NUCB2: variants seen among roughly 807,000 people sequenced by gnomAD.
The protein encoded by NUCB2 is nucleobindin-2.
NUCB2 carries 48 observed loss-of-function variants against 57.9 expected under a neutral mutation model. The ratio of observed to expected loss-of-function variants is 0.83; its 90% CI spans 0.66 to 1.05. The LOEUF (loss-of-function observed/expected upper bound fraction) is 1.05, where lower values mean the gene tolerates loss of function less well. Ranked by LOEUF, NUCB2 falls within the 50% of genes least tolerant of loss-of-function variation. NUCB2 has a pLI of 0.00. For missense variants in NUCB2, 442 were observed against 476.2 expected (o/e 0.93, Z 0.67); for synonymous variants, 139 against 152.1 (o/e 0.91, Z 0.64).
intron 5 of NUCB2, among the ~76,000 whole-genome samples, chr11:17,307,214 G>C (rs556526407): frequency 1.4e-5 from 2 of 146,110 alleles, no homozygotes. Context: ...CATTCACGTG[G>C]TTCAAATGTA....
intron 2 of NUCB2, among the ~76,000 whole-genome samples, chr11:17,284,035 A>AT (rs1292450332): frequency 1.3e-5 from 2 of 151,188 alleles, no homozygotes; most frequent in East Asian, 1.9e-4. Context: ...CCAGACTTTT[A>AT]TTTTTTTTGT....
At position 17,296,226 on chromosome 11, in the gene NUCB2, A is replaced by G. The variant is rs1333150338; in HGVS notation, c.252+15A>G. On this transcript the variant is annotated intron_variant, in intron 4 of 13. Coordinates refer to ENST00000529010, the MANE Select transcript of NUCB2 (RefSeq NM_005013.4). ...AGGAAATAAAGGTAAATGCAATTCAATAATATATACATATATGTATCTTAA... is the reference window on the plus strand; with the variant it reads ...AGGAAATAAAGGTAAATGCAATTCAGTAATATATACATATATGTATCTTAA... The G allele has an allele frequency of 2.1e-6, 3 of 1,458,678 alleles. No individual in the cohort carries two copies. Among genetic ancestry groups the G allele is most frequent in the African/African-American group, 1.4e-5 (1 of 71,570 alleles). The allele number at this position is 1,458,678 out of a possible 1,614,324, so 90.4% of individuals were successfully genotyped here.
intron 1 of NUCB2, among the ~76,000 whole-genome samples, chr11:17,281,226 C>T (rs775029138): frequency 5.5e-4 from 84 of 152,044 alleles, no homozygotes; most frequent in Non-Finnish European, 1.1e-3. Flanking sequence ...AAGCAACCCT[C>T]CCATCTCAGC....
chr11:17,286,620 TG>T (rs1392645973), intron 2 of NUCB2: 2 of 152,176 alleles, frequency 1.3e-5, no homozygotes, highest in Non-Finnish European at 2.9e-5. Context: ...TTCAGCCCAG[TG>T]TCTCCTCTTT....
intron 2 of NUCB2, among the ~76,000 whole-genome samples, chr11:17,348,399 A>G (rs867938482): frequency 2.4e-5 from 3 of 126,618 alleles, no homozygotes; most frequent in South Asian, 2.6e-4. Flanking sequence ...CAGTGGTGCA[A>G]TCATGGCTCA....
Position 17,342,873 on chromosome 11 carries a change from A to G in NUCB2, n.2626+5339A>G, listed in dbSNP as rs1331483286. 7.2e-5 allele frequency among the ~76,000 whole-genome samples: 11 copies of G among 151,898 alleles called. No homozygotes were observed. In the East Asian group the frequency reaches 1.9e-3, roughly 27 times the overall value. The stretch of plus-strand genomic sequence containing the variant: ...GTTCAATTCCTGGATATCCCTGTTA[A>G]CTTTCTGTCTCGTTGATCTGTCTAA... On this transcript the variant is annotated intron_variant and non_coding_transcript_variant, in intron 2 of 2. Transcript: ENST00000532240.
chr11:17,282,556 C>T (rs1006824727), intron 1 of NUCB2, among the ~76,000 whole-genome samples: 4 of 151,926 alleles, frequency 2.6e-5, no homozygotes, highest in South Asian at 2.1e-4. Context: ...CCACCGTGCC[C>T]GGCCAACATC....
rs533396131 is a variant in NUCB2 at position 17,311,794 on chromosome 11, C to T, written c.761-78C>T. 4.0e-4 allele frequency: 394 copies of T among 978,666 alleles called. 5 individuals carry two copies. The South Asian group carries it at 5.7e-3, about 14-fold the overall frequency. 60.6% of individuals were successfully genotyped at this position (978,666 alleles called of 1,614,324 possible). On this transcript the variant is annotated intron_variant, in intron 8 of 13. Transcript: ENST00000529010. ...TCACATCAGTACTACTTTTGTAAAC[C>T]CTTTATAAATCATTGTATTTTAATT...
intron 2 of NUCB2, among the ~76,000 whole-genome samples, chr11:17,288,898 C>CACACACACACACACACACACAG (rs1312157339): frequency 1.8e-5 from 1 of 56,348 alleles, no homozygotes. Flanking sequence ...CACACACACA[C>CACACACACACACACACACACAG]ACACACACAC....
intron 11 of NUCB2, among the ~76,000 whole-genome samples, chr11:17,326,841 C>A (rs533690716): frequency 6.6e-6 from 1 of 152,248 alleles, no homozygotes; most frequent in East Asian, 1.9e-4. Context: ...TCATTAACAT[C>A]CTTTTATTTC....
chr11:17,300,000 T>C (rs1946434670), intron 4 of NUCB2, among the ~76,000 whole-genome samples: 1 of 151,770 alleles, frequency 6.6e-6, no homozygotes, highest in Admixed American at 6.6e-5. Context: ...TTCAGTGTCT[T>C]TTTGTCTGTT....
chr11:17,329,952 T>C (rs964246378), intron 11 of NUCB2, among the ~76,000 whole-genome samples, 175 bp from the exon 12 acceptor site: 1 of 152,200 alleles, frequency 6.6e-6, no homozygotes, highest in East Asian at 1.9e-4. Context: ...CTGTTTTTCC[T>C]TTTGTTCAAA....
downstream of NUCB2, among the ~76,000 whole-genome samples, chr11:17,334,829 T>A (rs1951675241): frequency 6.7e-6 from 1 of 148,298 alleles, no homozygotes; most frequent in South Asian, 2.1e-4. Context: ...GAGGTTGCAG[T>A]GAGCTGAAAT....
At chr11:17,317,172 A>G (rs556286791) in intron 11 of NUCB2, among the ~76,000 whole-genome samples, 13 of 152,334 alleles carry the variant, frequency 8.5e-5, no homozygotes, top group Admixed American at 2.6e-4. Context: ...ATCCCTGAAT[A>G]CATTTCAACC....
chr11:17,287,148 G>C (rs1409165370), intron 2 of NUCB2, among the ~76,000 whole-genome samples: 1 of 151,710 alleles, frequency 6.6e-6, no homozygotes, highest in Non-Finnish European at 1.5e-5. Context: ...GCAACATAAT[G>C]AAACCACAAC....
Position 17,310,981 on chromosome 11 carries a change from C to T in NUCB2, c.640C>T (p.His214Tyr). The T allele has an allele frequency of 6.3e-7, 1 of 1,577,740 alleles. No individual in the cohort carries two copies. The highest frequency in any genetic ancestry group is 8.5e-7 in the Non-Finnish European group (1 of 1,170,182). The change falls in exon 7 of 14, where the codon CAT becomes TAT. Residue 214 changes from histidine (H) to tyrosine (Y), a missense_variant. His to Tyr is a moderately conservative substitution (Grantham distance 83, BLOSUM62 2). Coordinates refer to ENST00000529010, the MANE Select transcript of NUCB2 (RefSeq NM_005013.4). ...ESKFEEMKKK[H>Y]ENHPKVNHPG... ...TAAATTTGAAGAAATGAAGAAAAAGCATGAAAATCACCCTAAAGTTAATCA... is the reference window on the plus strand; with the variant it reads ...TAAATTTGAAGAAATGAAGAAAAAGTATGAAAATCACCCTAAAGTTAATCA...
intron 4 of NUCB2, among the ~76,000 whole-genome samples, chr11:17,300,246 A>G (rs560658582): frequency 6.6e-6 from 1 of 152,310 alleles, no homozygotes; most frequent in African/African-American, 2.4e-5. Context: ...TCCAGCGCTC[A>G]AACGATCTAT....
At chr11:17,288,961 ATATTT>A (rs1162834097) in intron 2 of NUCB2, among the ~76,000 whole-genome samples, 1 of 56,404 alleles carries the variant, frequency 1.8e-5, no homozygotes, top group African/African-American at 9.1e-5. Flanking sequence ...ATATATATAT[ATATTT>A]TTTTTTTTTG....
At chr11:17,319,020 A>C (rs555204824) in intron 11 of NUCB2, among the ~76,000 whole-genome samples, 3 of 152,232 alleles carry the variant, frequency 2.0e-5, no homozygotes, top group African/African-American at 7.2e-5. Context: ...AGAAAAAAAA[A>C]ATTTTTTTAA....
Sources: gnomAD v4.1 joint callset for allele counts (sites outside exome capture counted in the v4.1 genomes callset) on GRCh38, gnomAD v4.1.1 for gene constraint, MANE v1.5 for transcripts, NCBI Gene and HGNC (gene_info 2026-07-23, HGNC 2026-07-21) for gene names.